The following B4GALNT2 variants were observed in gnomAD, a reference collection of about 807,000 sequenced individuals.
B4GALNT2 encodes N-acetylneuraminylgalactosylglucosyl-glucoside beta-1,4-N- acetylgalactosaminyltransferase 2.
B4GALNT2 carries 42 observed loss-of-function variants against 51.1 expected under a neutral mutation model. The observed-to-expected ratio is 0.82, with a 90% CI of 0.64 to 1.06. The LOEUF (loss-of-function observed/expected upper bound fraction) is 1.06, where lower values mean the gene tolerates loss of function less well. Ranked by LOEUF, B4GALNT2 falls within the 50% of genes least tolerant of loss-of-function variation. The pLI is 0.00. For missense variants in B4GALNT2, 602 were observed against 633.6 expected (o/e 0.95, Z 0.54); for synonymous variants, 253 against 251.7 (o/e 1.01, Z -0.05).
At chr17:49,127,763 A>C (rs1388105631), upstream of B4GALNT2, among the ~76,000 whole-genome samples, 1 of 152,254 alleles carries the variant, frequency 6.6e-6, no homozygotes, top group Non-Finnish European at 1.5e-5. Flanking sequence ...GATTTTGAGA[A>C]GCACTTATTC....
intron 1 of B4GALNT2, among the ~76,000 whole-genome samples, chr17:49,140,986 G>C (rs1163822855): frequency 2.0e-5 from 3 of 151,662 alleles, no homozygotes; most frequent in African/African-American, 7.3e-5. Flanking sequence ...CAAAATGCTG[G>C]GATTACAGGT....
At chr17:49,126,132 A>G in the B4GALNT2 span, among the ~76,000 whole-genome samples, 1 of 152,072 alleles carries the variant, frequency 6.6e-6, no homozygotes, top group Admixed American at 6.6e-5. Context: ...GACATGGGAA[A>G]CTTTTCATTT....
the B4GALNT2 span, among the ~76,000 whole-genome samples, chr17:49,120,439 A>C: frequency 6.6e-6 from 1 of 151,820 alleles, no homozygotes. Context: ...AAGAGAAAAG[A>C]AGCACAGGTG....
chr17:49,168,863 T>G lies in B4GALNT2; in HGVS notation c.1278T>G (p.Val426=), dbSNP rs751413843. 1.9e-6 allele frequency: 3 copies of G among 1,613,110 alleles called. No homozygotes were observed. In the South Asian group the frequency reaches 3.3e-5, roughly 18 times the overall value. Residue 426 remains valine, a synonymous_variant, in exon 10 of 11, where the codon GTT becomes GTG. Transcript: ENST00000393354. ...CCCACACGGAGCGACTCCAAAGAGT[T>G]GGCTTTGATCCCCGCCTGCAACGAG... ...FLAHTERLQR[V]GFDPRLQRVA... is the part of the protein sequence containing the mutation.
chr17:49,123,641 G>A, the B4GALNT2 span, among the ~76,000 whole-genome samples: 9 of 152,294 alleles, frequency 5.9e-5, no homozygotes, highest in South Asian at 1.7e-3. Context: ...TTGTTCCATA[G>A]AAGGAATCTC....
In B4GALNT2 at chr17:49,171,867, C is replaced by T. The variant is rs2042959757; in HGVS notation, c.*2139C>T. 2 of 327,402 alleles carry T rather than the reference C, an allele frequency of 6.1e-6. No individual in the cohort carries two copies. Among genetic ancestry groups the T allele is most frequent in the Non-Finnish European group, 1.2e-5 (2 of 172,724 alleles). 20.3% of individuals were successfully genotyped at this position (327,402 alleles called of 1,614,324 possible). ...CTATTTACAAATAGGTTTTGAGCTG[C>T]CTTTGCTTTGCCTCAATTATAGGAG... On this transcript the variant is annotated 3_prime_UTR_variant, in exon 11 of 11. Transcript: ENST00000393354.
At chr17:49,143,592 C>T (rs751557972) in intron 3 of B4GALNT2, among the ~76,000 whole-genome samples, 14 of 152,208 alleles carry the variant, frequency 9.2e-5, no homozygotes, top group Non-Finnish European at 1.8e-4. Context: ...GTGCATCAGA[C>T]CCCTCCAGGT....
In B4GALNT2 at chr17:49,171,005, C is replaced by T. The variant is rs1427571928; in HGVS notation, c.*1277C>T. 1 of 155,236 alleles carries T rather than the reference C, an allele frequency of 6.4e-6. No homozygotes were observed. The highest frequency in any genetic ancestry group is 2.4e-5 in the African/African-American group (1 of 41,450). The allele number at this position is 155,236 out of a possible 1,614,324, so 9.6% of individuals were successfully genotyped here. On this transcript the variant is annotated 3_prime_UTR_variant, in exon 11 of 11. Transcript: ENST00000393354. ...AAGCGGTTTTCCACCCTGGGTGGGC[C>T]AGGTGTTCCTTGCCCTTATTCTGAT...
chr17:49,126,843 T>C, the B4GALNT2 span, among the ~76,000 whole-genome samples: 1 of 151,958 alleles, frequency 6.6e-6, no homozygotes, highest in Non-Finnish European at 1.5e-5. Flanking sequence ...GGACTATAGG[T>C]ACGTGCCACT....
chr17:49,173,138 G>A lies in B4GALNT2; in HGVS notation c.*3410G>A, dbSNP rs949200027. The stretch of plus-strand genomic sequence containing the variant: ...CCCTTCAGTTAAAGGTCCTGGAAGA[G>A]GTGTATGAGCCCTAATGTGAGTGAT... On this transcript the variant is annotated 3_prime_UTR_variant, in exon 11 of 11. Coordinates refer to ENST00000393354, the MANE Select transcript of B4GALNT2 (RefSeq NM_001159387.2). The A allele has an allele frequency of 1.3e-5, 2 of 152,220 alleles. No homozygotes were observed. The highest frequency in any genetic ancestry group is 4.8e-5 in the African/African-American group (2 of 41,442). The allele number at this position is 152,220 out of a possible 1,614,324, so 9.4% of individuals were successfully genotyped here.
In B4GALNT2 at chr17:49,169,868, G is replaced by A; in HGVS notation, c.*140G>A. ...GAAAAGGGAAATGGCTCAGTTACTG[G>A]AAGTACCAATCAAAGGTGAAGGGTC... On this transcript the variant is annotated 3_prime_UTR_variant, in exon 11 of 11. Transcript: ENST00000393354. 1.3e-6 allele frequency: 1 copy of A among 799,116 alleles called. No homozygotes were observed. The highest frequency in any genetic ancestry group is 3.2e-5 in the Admixed American group (1 of 31,438). 49.5% of individuals were successfully genotyped at this position (799,116 alleles called of 1,614,324 possible).
intron 4 of B4GALNT2, among the ~76,000 whole-genome samples, chr17:49,155,204 A>G: frequency 6.9e-6 from 1 of 144,782 alleles, no homozygotes; most frequent in Non-Finnish European, 1.5e-5. Context: ...AGTACTCGTG[A>G]GGAGAATTGC....
At chr17:49,141,890 C>G in intron 2 of B4GALNT2, 145 bp from the exon 3 acceptor site, 1 of 1,031,580 alleles carries the variant, frequency 9.7e-7, no homozygotes, top group Non-Finnish European at 1.4e-6. Context: ...GTGCAGGGGA[C>G]TCCAGGGTCT....
At chr17:49,134,006 G>A (rs73336360) in intron 1 of B4GALNT2, among the ~76,000 whole-genome samples, 5,374 of 152,178 alleles carry the variant, frequency 0.035, 325 homozygotes, top group African/African-American at 0.12. Context: ...AAAGGAAGGC[G>A]GCTTTGCATC....
intron 3 of B4GALNT2, among the ~76,000 whole-genome samples, chr17:49,150,925 AAAT>A (rs1188883423): frequency 2.6e-5 from 4 of 152,096 alleles, no homozygotes; most frequent in African/African-American, 4.8e-5. Context: ...TCAATTAAAA[AAAT>A]AATAATAAAA....
rs1567870134 is a variant in B4GALNT2, at chr17:49,172,884, C to T, written c.*3156C>T. On this transcript the variant is annotated 3_prime_UTR_variant, in exon 11 of 11. Coordinates refer to ENST00000393354, the MANE Select transcript of B4GALNT2 (RefSeq NM_001159387.2). Reference sequence around the variant, plus strand: ...CTCCCAAACGAGGGAACATGTGTGACATCCATTTGCCAAAGAGAATTAGGT... The same window carrying T: ...CTCCCAAACGAGGGAACATGTGTGATATCCATTTGCCAAAGAGAATTAGGT... The T allele has an allele frequency of 6.6e-6, 1 of 152,226 alleles. No individual in the cohort carries two copies. Among genetic ancestry groups the T allele is most frequent in the East Asian group, 1.9e-4 (1 of 5,202 alleles). 9.4% of individuals were successfully genotyped at this position (152,226 alleles called of 1,614,324 possible).
In B4GALNT2 at chr17:49,152,813, C is replaced by A; in HGVS notation, c.367C>A (p.Arg123Ser). 1.2e-6 allele frequency: 2 copies of A among 1,602,874 alleles called. No homozygotes were observed. The highest frequency in any genetic ancestry group is 8.5e-7 in the Non-Finnish European group (1 of 1,174,522). The change falls in exon 4 of 11, where the codon CGC (arginine) becomes AGC (serine). Residue 123 changes from arginine (R) to serine (S), a missense_variant. By Grantham distance (110) the Arg-to-Ser change is moderately radical. Coordinates refer to ENST00000393354, the MANE Select transcript of B4GALNT2 (RefSeq NM_001159387.2). Reference sequence around the variant, plus strand: ...TCCTTCCTGCAGAGAAGGGCTGCCCCGCCCACTGCCCCTGCTGGTCCAGCC... The same window carrying A: ...TCCTTCCTGCAGAGAAGGGCTGCCCAGCCCACTGCCCCTGCTGGTCCAGCC... ...EHFQRREGLP[R>S]PLPLLVQPNL...
intron 3 of B4GALNT2, among the ~76,000 whole-genome samples, chr17:49,146,595 G>A (rs1207987584): frequency 2.0e-5 from 3 of 152,320 alleles, no homozygotes; most frequent in African/African-American, 7.2e-5. Context: ...ACAGGCGTGA[G>A]CCACCATGCC....
chr17:49,122,075 G>T, the B4GALNT2 span, among the ~76,000 whole-genome samples: 3 of 152,150 alleles, frequency 2.0e-5, no homozygotes, highest in Non-Finnish European at 4.4e-5. Context: ...ATTGCGGGTT[G>T]GAGTGTCTCT....
Sources: allele counts gnomAD v4.1 joint callset (sites outside exome capture counted in the v4.1 genomes callset), GRCh38; gene constraint gnomAD v4.1.1; transcripts MANE v1.5; gene names NCBI Gene and HGNC (gene_info 2026-07-23, HGNC 2026-07-21).